The following HIBADH variants were observed in gnomAD, a reference collection of about 807,000 sequenced individuals.
HIBADH encodes 3-hydroxyisobutyrate dehydrogenase, mitochondrial.
HIBADH carries 25 observed loss-of-function variants against 36.1 expected under a neutral mutation model. The observed-to-expected ratio is 0.69, with a 90% CI of 0.50 to 0.97. The LOEUF (loss-of-function observed/expected upper bound fraction) is 0.97. Among genes scored for constraint, HIBADH ranks in the 50% least tolerant of loss-of-function variants. The probability of loss-of-function intolerance (pLI) is 0.00; values close to 1 mark genes in which losing one functional copy is unlikely to be tolerated. For missense variants in HIBADH, 421 were observed against 418.0 expected (o/e 1.01, Z -0.06); for synonymous variants, 160 against 149.5 (o/e 1.07, Z -0.51).
intron 1 of HIBADH, among the ~76,000 whole-genome samples, chr7:27,661,924 C>T (rs1305816560): frequency 6.6e-6 from 1 of 152,026 alleles, no homozygotes; most frequent in Non-Finnish European, 1.5e-5. Flanking sequence ...GTCCCTCGTG[C>T]GGAGTATGAA....
chr7:27,531,575 A>C (rs1471145993), intron 6 of HIBADH, among the ~76,000 whole-genome samples: 5 of 152,210 alleles, frequency 3.3e-5, no homozygotes. Flanking sequence ...CATTTGGAGA[A>C]AACCTTCTAT....
chr7:27,650,432 T>C (rs1033328819), intron 1 of HIBADH, among the ~76,000 whole-genome samples: 2 of 151,324 alleles, frequency 1.3e-5, no homozygotes. Flanking sequence ...CTCTGAACTT[T>C]CAGAAAAGAG....
intron 4 of HIBADH, among the ~76,000 whole-genome samples, chr7:27,546,848 T>C (rs1159002062): frequency 6.6e-6 from 1 of 152,198 alleles, no homozygotes; most frequent in Non-Finnish European, 1.5e-5. Flanking sequence ...TCTCTCACTG[T>C]CCATCCCTAC....
intron 4 of HIBADH, among the ~76,000 whole-genome samples, chr7:27,597,389 A>G (rs1408262957): frequency 1.3e-5 from 2 of 152,244 alleles, no homozygotes; most frequent in Non-Finnish European, 2.9e-5. Flanking sequence ...AGGCCAGGGG[A>G]AAACGATGAT....
At position 27,577,873 on chromosome 7, in the gene HIBADH, G is replaced by C. The variant is rs191665851; in HGVS notation, c.485-34773C>G. ...GTGGAGTGCCAATTGTTTCTGTAAT[G>C]ATTTAATATAGTAGCTGGATAATGA... On this transcript the variant is annotated intron_variant, in intron 4 of 7. Coordinates refer to ENST00000265395, the MANE Select transcript of HIBADH (RefSeq NM_152740.4). Among the ~76,000 whole-genome samples, 1,117 of 152,264 alleles carry C rather than the reference G, an allele frequency of 7.3e-3. 9 individuals are homozygous for C. Among genetic ancestry groups the C allele is most frequent in the Non-Finnish European group, 0.011 (748 of 68,014 alleles).
At chr7:27,566,723 AAT>A (rs1157824571) in intron 4 of HIBADH, among the ~76,000 whole-genome samples, 1 of 152,136 alleles carries the variant, frequency 6.6e-6, no homozygotes, top group African/African-American at 2.4e-5. Context: ...GCATCCTACA[AAT>A]ATGTTGTATT....
At chr7:27,568,792 T>G (rs1784584644) in intron 4 of HIBADH, among the ~76,000 whole-genome samples, 1 of 152,138 alleles carries the variant, frequency 6.6e-6, no homozygotes, top group Non-Finnish European at 1.5e-5. Context: ...TGTGTCTGGT[T>G]TTTAGTAGTT....
chr7:27,619,880 T>A (rs1785507141), intron 4 of HIBADH, among the ~76,000 whole-genome samples: 1 of 151,910 alleles, frequency 6.6e-6, no homozygotes, highest in Non-Finnish European at 1.5e-5. Context: ...AGTGAAAAGA[T>A]CAGAAAATCT....
chr7:27,640,509 G>A (rs565875531), intron 2 of HIBADH, among the ~76,000 whole-genome samples: 1 of 152,184 alleles, frequency 6.6e-6, no homozygotes, highest in East Asian at 1.9e-4. Flanking sequence ...CAGCCTGGGT[G>A]ACAGAGAGAG....
At chr7:27,637,577 T>C (rs868455086) in intron 2 of HIBADH, among the ~76,000 whole-genome samples, 59 of 152,086 alleles carry the variant, frequency 3.9e-4, no homozygotes, top group African/African-American at 1.0e-3. Context: ...CTATTCAACA[T>C]AGTACTTAAG....
At chr7:27,608,182 A>G (rs1462828565) in intron 4 of HIBADH, among the ~76,000 whole-genome samples, 1 of 152,218 alleles carries the variant, frequency 6.6e-6, no homozygotes, top group Non-Finnish European at 1.5e-5. Context: ...TAAAATTCTT[A>G]GTACTCTTTT....
At chr7:27,561,018 ATC>A (rs1784458672) in intron 4 of HIBADH, among the ~76,000 whole-genome samples, 23 of 152,076 alleles carry the variant, frequency 1.5e-4, no homozygotes, top group Admixed American at 1.3e-3. Context: ...GTTCAGTGTA[ATC>A]TCTTTGTGGT....
chr7:27,632,038 C>A (rs1286995359), intron 3 of HIBADH, among the ~76,000 whole-genome samples: 1 of 152,122 alleles, frequency 6.6e-6, no homozygotes, highest in Non-Finnish European at 1.5e-5. Context: ...TTAACAGTTG[C>A]AGTTTCAAAT....
intron 4 of HIBADH, among the ~76,000 whole-genome samples, chr7:27,581,527 G>T (rs901483410): frequency 6.6e-6 from 1 of 152,064 alleles, no homozygotes; most frequent in Non-Finnish European, 1.5e-5. Context: ...TTTTACGGAA[G>T]GATGGAAGGT....
intron 4 of HIBADH, among the ~76,000 whole-genome samples, chr7:27,570,641 C>T (rs1336024632): frequency 6.7e-6 from 1 of 149,942 alleles, no homozygotes; most frequent in African/African-American, 2.5e-5. Flanking sequence ...TGTCCAAATT[C>T]ATCAATCTCT....
At chr7:27,657,353 T>A (rs559131812) in intron 1 of HIBADH, among the ~76,000 whole-genome samples, 8 of 152,116 alleles carry the variant, frequency 5.3e-5, no homozygotes, top group Non-Finnish European at 1.0e-4. Context: ...CAAGAAAGCA[T>A]GTCTATGTAC....
At chr7:27,613,640 TTTG>T (rs199751619) in intron 4 of HIBADH, among the ~76,000 whole-genome samples, 1,901 of 139,408 alleles carry the variant, frequency 0.014, 20 homozygotes, top group Admixed American at 0.025. Flanking sequence ...AGTGGGGTTT[TTTG>T]TTGTTGTTGT....
intron 4 of HIBADH, among the ~76,000 whole-genome samples, chr7:27,618,959 G>A (rs1373951624): frequency 1.3e-5 from 2 of 152,106 alleles, no homozygotes; most frequent in East Asian, 1.9e-4. Context: ...ATCTGCCCCC[G>A]TGACCTCCCA....
intron 4 of HIBADH, among the ~76,000 whole-genome samples, chr7:27,611,032 C>A (rs1785312402): frequency 6.6e-6 from 1 of 152,162 alleles, no homozygotes; most frequent in African/African-American, 2.4e-5. Flanking sequence ...AGGTTTTGTG[C>A]TTATTCTAAG....
Sources: gnomAD v4.1 joint callset for allele counts (sites outside exome capture counted in the v4.1 genomes callset) on GRCh38, gnomAD v4.1.1 for gene constraint, MANE v1.5 for transcripts, NCBI Gene and HGNC (gene_info 2026-07-23, HGNC 2026-07-21) for gene names.